CPM: variants seen among roughly 807,000 people sequenced by gnomAD.
CPM encodes the protein renal carboxypeptidase.
CPM carries 35 observed loss-of-function variants against 46.4 expected under a neutral mutation model. The ratio of observed to expected loss-of-function variants is 0.75; its 90% CI spans 0.58 to 1.00. The LOEUF (loss-of-function observed/expected upper bound fraction) is 1.00, where lower values mean the gene tolerates loss of function less well. Ranked by LOEUF, CPM falls within the 50% of genes least tolerant of loss-of-function variation. The probability of loss-of-function intolerance (pLI) is 0.00; values close to 1 mark genes in which losing one functional copy is unlikely to be tolerated. For missense variants in CPM, 422 were observed against 530.4 expected (o/e 0.80, Z 2.01); for synonymous variants, 195 against 195.3 (o/e 1.00, Z 0.01).
Position 68,885,783 on chromosome 12 carries a change from C to T in CPM, c.258+9G>A. 1 of 1,608,590 alleles carries T rather than the reference C, an allele frequency of 6.2e-7. No homozygotes were observed. Among genetic ancestry groups the T allele is most frequent in the Non-Finnish European group, 8.5e-7 (1 of 1,175,314 alleles). ...GGTGACATTTCAGAAATTCAAGCCA[C>T]ATACGTACCTCATCTCCATGCATAT... On this transcript the variant is annotated intron_variant, in intron 3 of 8. Transcript: ENST00000551568.
chr12:68,883,300 G>A (rs543581073), intron 3 of CPM, among the ~76,000 whole-genome samples: 2 of 152,166 alleles, frequency 1.3e-5, no homozygotes, highest in African/African-American at 2.4e-5. Flanking sequence ...AGGAAAAAGG[G>A]GGTTGTTATA....
intron 2 of CPM, among the ~76,000 whole-genome samples, chr12:68,928,431 G>A (rs1888361382): frequency 6.6e-6 from 1 of 152,180 alleles, no homozygotes; most frequent in Non-Finnish European, 1.5e-5. Context: ...AGAGGTGCTT[G>A]GGAAATAGGC....
At chr12:68,911,404 C>A (rs948042511) in intron 2 of CPM, among the ~76,000 whole-genome samples, 1 of 152,206 alleles carries the variant, frequency 6.6e-6, no homozygotes, top group African/African-American at 2.4e-5. Flanking sequence ...AAGCTTCAGT[C>A]CTGAATCTAC....
chr12:68,947,768 C>T (rs1049415394), intron 1 of CPM, among the ~76,000 whole-genome samples: 11 of 152,100 alleles, frequency 7.2e-5, no homozygotes, highest in Admixed American at 1.3e-4. Flanking sequence ...CCTCAGCCCC[C>T]GAAGTAGCTG....
chr12:68,847,196 T>TTACATATATATATATATATATATA (rs1884366207), downstream of CPM: 1 of 92,080 alleles, frequency 1.1e-5, no homozygotes, highest in Non-Finnish European at 2.1e-5. Flanking sequence ...TGTGTGTACA[T>TTACATATATATATATATATATATA]TATATATATA....
At chr12:68,949,983 C>T (rs1007393671) in intron 1 of CPM, among the ~76,000 whole-genome samples, 5 of 152,032 alleles carry the variant, frequency 3.3e-5, no homozygotes, top group Admixed American at 6.5e-5. Context: ...TTGCATTGGG[C>T]GAATGAAGAT....
At chr12:68,946,252 T>G (rs1888845761) in intron 1 of CPM, among the ~76,000 whole-genome samples, 1 of 152,158 alleles carries the variant, frequency 6.6e-6, no homozygotes, top group African/African-American at 2.4e-5. Flanking sequence ...CAAAGACAAA[T>G]CATAGCAGGA....
At chr12:68,876,565 A>G (rs1885958904) in intron 3 of CPM, among the ~76,000 whole-genome samples, 1 of 152,214 alleles carries the variant, frequency 6.6e-6, no homozygotes, top group South Asian at 2.1e-4. Flanking sequence ...CCTTTCACCC[A>G]GCATGCTGGC....
chr12:68,940,852 A>G (rs1018724736), intron 1 of CPM, among the ~76,000 whole-genome samples: 1 of 152,176 alleles, frequency 6.6e-6, no homozygotes, highest in African/African-American at 2.4e-5. Flanking sequence ...TATAAAACAT[A>G]TAAAATTACC....
intron 7 of CPM, 69 bp from the exon 8 acceptor site, chr12:68,859,140 T>G: frequency 1.2e-6 from 1 of 860,488 alleles, no homozygotes; most frequent in African/African-American, 1.8e-5. Flanking sequence ...TTATAAATAT[T>G]TAAGAACAAT....
At chr12:68,871,730 G>T in intron 4 of CPM, 54 bp downstream of exon 4, 2 of 1,590,504 alleles carry the variant, frequency 1.3e-6, no homozygotes, top group South Asian at 1.1e-5. Context: ...GGTGCCTGTC[G>T]GGAGCCTTTG....
At chr12:68,922,834 C>A (rs551891551) in intron 2 of CPM, among the ~76,000 whole-genome samples, 13 of 152,162 alleles carry the variant, frequency 8.5e-5, no homozygotes, top group African/African-American at 2.9e-4. Context: ...AACCTCTTCA[C>A]AAACTACTAT....
intron 2 of CPM, among the ~76,000 whole-genome samples, chr12:68,932,127 G>A (rs1018110720): frequency 1.3e-5 from 2 of 152,094 alleles, no homozygotes; most frequent in South Asian, 2.1e-4. Context: ...AATTATACAC[G>A]ACACAAATCT....
At chr12:68,873,720 AT>A (rs1300819907) in intron 3 of CPM, among the ~76,000 whole-genome samples, 15 of 151,724 alleles carry the variant, frequency 9.9e-5, no homozygotes, top group Non-Finnish European at 1.9e-4. Context: ...TGAATTATAG[AT>A]TCATAGGCAA....
chr12:68,863,524 C>T (rs1423146507), intron 7 of CPM, among the ~76,000 whole-genome samples: 1 of 152,160 alleles, frequency 6.6e-6, no homozygotes, highest in Non-Finnish European at 1.5e-5. Flanking sequence ...TTGAGGTCTG[C>T]AGTGAGTTCT....
intron 4 of CPM, 104 bp downstream of exon 4, chr12:68,871,680 G>A (rs767074310): frequency 1.4e-4 from 167 of 1,216,740 alleles, no homozygotes; most frequent in Non-Finnish European, 1.9e-4. Context: ...CGGCTCTGAG[G>A]GCTCTCACCA....
intron 1 of CPM, among the ~76,000 whole-genome samples, chr12:68,962,170 A>G (rs556642338): frequency 2.0e-5 from 3 of 147,996 alleles, no homozygotes; most frequent in Non-Finnish European, 4.4e-5. Context: ...ACTGCACTCC[A>G]GCCTGGGCGA....
chr12:68,861,886 T>C (rs908058758), intron 7 of CPM, among the ~76,000 whole-genome samples: 2 of 118,664 alleles, frequency 1.7e-5, no homozygotes, highest in East Asian at 2.4e-4. Flanking sequence ...AGGGTACTAG[T>C]AATGAGTAGT....
At chr12:68,926,266 TATC>T (rs1888255946) in intron 2 of CPM, among the ~76,000 whole-genome samples, 1 of 152,204 alleles carries the variant, frequency 6.6e-6, no homozygotes, top group Non-Finnish European at 1.5e-5. Context: ...TCTAAAATAT[TATC>T]ATTTCAACAT....
Sources: gnomAD v4.1 joint callset for allele counts (sites outside exome capture counted in the v4.1 genomes callset) on GRCh38, gnomAD v4.1.1 for gene constraint, MANE v1.5 for transcripts, NCBI Gene and HGNC (gene_info 2026-07-23, HGNC 2026-07-21) for gene names.